Variants in SYTL5 observed in about 807,000 individuals in gnomAD.
The protein encoded by SYTL5 is synaptotagmin-like protein 5.
Under a neutral mutation model 55.9 loss-of-function variants are expected in SYTL5, and 34 were observed. The observed-to-expected ratio is 0.61, with a 90% confidence interval of 0.46 to 0.81. The LOEUF (loss-of-function observed/expected upper bound fraction) is 0.81, where lower values mean the gene tolerates loss of function less well. Among genes scored for constraint, SYTL5 ranks in the 30% least tolerant of loss-of-function variants. SYTL5 has a pLI of 0.00. For missense variants in SYTL5, 637 were observed against 546.7 expected (o/e 1.17, Z -1.65); for synonymous variants, 221 against 188.7 (o/e 1.17, Z -1.40).
the SYTL5 span, among the ~76,000 whole-genome samples, chrX:37,973,416 T>C: frequency 2.7e-5 from 3 of 111,197 alleles, no homozygotes; most frequent in African/African-American, 9.8e-5. Flanking sequence ...GCAAAAGTGG[T>C]CAGAATCAAC....
the SYTL5 span, among the ~76,000 whole-genome samples, chrX:37,965,715 C>T: frequency 8.9e-6 from 1 of 111,769 alleles, no homozygotes; most frequent in Non-Finnish European, 1.9e-5. Flanking sequence ...ATTGAATCGC[C>T]TACTATTATT....
chrX:37,972,798 G>A, the SYTL5 span, among the ~76,000 whole-genome samples: 3 of 111,537 alleles, frequency 2.7e-5, no homozygotes, highest in African/African-American at 9.8e-5. Context: ...CGAAGCGGGG[G>A]CTTCCAGGCT....
At chrX:37,900,021 A>G in the SYTL5 span, among the ~76,000 whole-genome samples, 1 of 112,376 alleles carries the variant, frequency 8.9e-6, no homozygotes, top group East Asian at 2.7e-4. Context: ...TCTCTTAAGC[A>G]TAAGAGTTGT....
the SYTL5 span, among the ~76,000 whole-genome samples, chrX:37,891,671 GTGTGTGTA>G: frequency 3.9e-3 from 437 of 111,282 alleles, 2 homozygotes; most frequent in Middle Eastern, 9.2e-3. Context: ...ACATACGTGT[GTGTGTGTA>G]TGTGTGTATG....
intron 13 of SYTL5, among the ~76,000 whole-genome samples, chrX:38,112,204 A>C (rs1348796396): frequency 9.0e-6 from 1 of 111,670 alleles, no homozygotes; most frequent in African/African-American, 3.3e-5. Context: ...TCTTTAGAAG[A>C]CTTCCCTCGG....
intron 1 of SYTL5, among the ~76,000 whole-genome samples, chrX:38,016,671 A>C (rs1161500364): frequency 8.9e-6 from 1 of 111,802 alleles, no homozygotes; most frequent in Non-Finnish European, 1.9e-5. Flanking sequence ...AGTAGTCTGC[A>C]ATCCATATAG....
chrX:37,962,546 G>A, the SYTL5 span, among the ~76,000 whole-genome samples: 1 of 111,961 alleles, frequency 8.9e-6, no homozygotes, highest in Non-Finnish European at 1.9e-5. Flanking sequence ...GTGTGCATGT[G>A]TCTTTATAGC....
chrX:38,097,644 G>A (rs1602393100), intron 9 of SYTL5, among the ~76,000 whole-genome samples: 2 of 110,260 alleles, frequency 1.8e-5, no homozygotes, highest in African/African-American at 6.5e-5. Flanking sequence ...AAATAAATTT[G>A]TAGACAATGC....
At chrX:37,972,095 A>T in the SYTL5 span, among the ~76,000 whole-genome samples, 2 of 109,371 alleles carry the variant, frequency 1.8e-5, no homozygotes, top group East Asian at 5.7e-4. Context: ...GCCGCTGCAC[A>T]TCTCGGGGAG....
At chrX:37,964,654 G>A in the SYTL5 span, among the ~76,000 whole-genome samples, 4 of 111,342 alleles carry the variant, frequency 3.6e-5, no homozygotes, top group African/African-American at 1.3e-4. Flanking sequence ...AGAAGACTTT[G>A]AGAATTATTG....
intron 3 of SYTL5, among the ~76,000 whole-genome samples, chrX:38,067,029 C>G (rs898424796): frequency 7.2e-5 from 8 of 111,715 alleles, no homozygotes; most frequent in Admixed American, 2.9e-4. Flanking sequence ...TTCTACCAAG[C>G]CTTCTGTCTG....
the SYTL5 span, among the ~76,000 whole-genome samples, chrX:37,958,862 CA>C: frequency 8.9e-6 from 1 of 112,334 alleles, no homozygotes; most frequent in Non-Finnish European, 1.9e-5. Context: ...CTTAGCACGT[CA>C]AAACCCCAAC....
the SYTL5 span, among the ~76,000 whole-genome samples, chrX:37,983,355 A>G: frequency 4.5e-5 from 5 of 112,150 alleles, no homozygotes; most frequent in East Asian, 1.1e-3. Flanking sequence ...AATCGTGCAA[A>G]TAACCACAAG....
chrX:38,032,197 G>A (rs1360452280), intron 1 of SYTL5, among the ~76,000 whole-genome samples: 1 of 111,805 alleles, frequency 8.9e-6, no homozygotes, highest in African/African-American at 3.3e-5. Context: ...CATACCAAGT[G>A]TAACTTGCAG....
At chrX:38,030,476 A>G (rs1418450282) in intron 1 of SYTL5, among the ~76,000 whole-genome samples, 1 of 111,901 alleles carries the variant, frequency 8.9e-6, no homozygotes, top group African/African-American at 3.2e-5. Context: ...TTTTAACCAT[A>G]GCGCTCTTTT....
chrX:37,968,764 A>T, the SYTL5 span, among the ~76,000 whole-genome samples: 2 of 111,209 alleles, frequency 1.8e-5, no homozygotes, highest in African/African-American at 3.3e-5. Flanking sequence ...CTCAGGAATA[A>T]CCCCCTGTGC....
At position 38,122,121 on chromosome X, in the gene SYTL5, G is replaced by T; in HGVS notation, c.1747G>T (p.Val583Leu). Residue 583 changes from valine (V) to leucine (L), a missense_variant, in exon 15 of 17, where the codon GTA (valine) becomes TTA (leucine). Physicochemically the swap from Val to Leu is conservative, Grantham distance 32. Transcript: ENST00000297875. ...FKKGKKKESP[V>L]ISGGILEVFI... ...AAAGGGAAAGAAGAAGGAGTCACCT[G>T]TAATCTCTGGAGGAATACTAGAAGT... 8.3e-7 allele frequency: 1 copy of T among 1,203,218 alleles called. No individual in the cohort carries two copies. The highest frequency in any genetic ancestry group is 1.1e-6 in the Non-Finnish European group (1 of 890,214).
At chrX:38,122,793 A>C (rs1015350503) in intron 15 of SYTL5, among the ~76,000 whole-genome samples, 2 of 112,359 alleles carry the variant, frequency 1.8e-5, no homozygotes, top group Non-Finnish European at 3.8e-5. Context: ...TAGGCAACTC[A>C]AACATCAAAT....
At chrX:38,022,310 A>G (rs1470030180) in intron 1 of SYTL5, among the ~76,000 whole-genome samples, 2 of 112,271 alleles carry the variant, frequency 1.8e-5, no homozygotes, top group African/African-American at 3.2e-5. Flanking sequence ...TGAGTTTCCA[A>G]TTGCTGCTGT....
Sources: gnomAD v4.1 joint callset for allele counts (sites outside exome capture counted in the v4.1 genomes callset) on GRCh38, gnomAD v4.1.1 for gene constraint, MANE v1.5 for transcripts, NCBI Gene and HGNC (gene_info 2026-07-23, HGNC 2026-07-21) for gene names.